PCBP3: variants seen among roughly 807,000 people sequenced by gnomAD.
PCBP3 encodes the protein poly(rC) binding protein 3.
Under a neutral mutation model 52.7 loss-of-function variants are expected in PCBP3, and 25 were observed. The observed-to-expected ratio is 0.47, with a 90% CI of 0.35 to 0.66. PCBP3 has a LOEUF of 0.66. PCBP3 is among the 30% of genes least tolerant of loss of function. The pLI is 0.01. For synonymous variants in PCBP3, 162 were observed against 183.0 expected (o/e 0.89, Z 0.93); for missense variants, 391 against 490.3 (o/e 0.80, Z 1.91).
chr21:45,914,900 G>A (rs1274935210), intron 12 of PCBP3: 1 of 152,282 alleles, frequency 6.6e-6, no homozygotes, highest in Non-Finnish European at 1.5e-5. Context: ...CCTGAGGTTT[G>A]ACTTTACCAT....
chr21:45,757,392 G>T (rs1298802438), intron 4 of PCBP3, among the ~76,000 whole-genome samples: 2 of 152,136 alleles, frequency 1.3e-5, no homozygotes, highest in African/African-American at 4.8e-5. Context: ...TTGTTGAGTT[G>T]TAGGTTTTTT....
At position 45,736,575 on chromosome 21, in the gene PCBP3, A is replaced by G. The variant is rs2085884666; in HGVS notation, c.-162+1146A>G. Among the ~76,000 whole-genome samples the G allele has an allele frequency of 6.6e-6, 1 of 151,826 alleles. No individual in the cohort carries two copies. The highest frequency in any genetic ancestry group is 1.5e-5 in the Non-Finnish European group (1 of 67,938). On this transcript the variant is annotated intron_variant, in intron 3 of 17. Coordinates refer to ENST00000681687, the MANE Select transcript of PCBP3 (RefSeq NM_001384156.1). This position sits in a 1 kb window ranked among gnomAD's most constrained non-coding sequence, Gnocchi z 4.6. The stretch of plus-strand genomic sequence containing the variant: ...TTGGCAGGGGGAGGCCCTCGGAGAG[A>G]TGGCATGGGGAGTTGGCAGGGGGAG...
At chr21:45,886,060 C>T (rs971139931) in intron 5 of PCBP3, among the ~76,000 whole-genome samples, 2 of 152,056 alleles carry the variant, frequency 1.3e-5, no homozygotes, top group Non-Finnish European at 2.9e-5. Context: ...GCTTTCCACT[C>T]GGCCTCTGCT....
intron 5 of PCBP3, among the ~76,000 whole-genome samples, chr21:45,875,472 T>C (rs1266289503): frequency 6.6e-6 from 1 of 152,126 alleles, no homozygotes; most frequent in Non-Finnish European, 1.5e-5. Context: ...GTCAGAAAAC[T>C]CAAATTCGAT....
intron 5 of PCBP3, among the ~76,000 whole-genome samples, chr21:45,895,443 C>A (rs2149000607): frequency 6.6e-6 from 1 of 152,316 alleles, no homozygotes. Context: ...TCTGCAGAGC[C>A]CAGTACCTCG....
Position 45,941,744 on chromosome 21 carries a change from C to G in PCBP3, c.*38C>G, listed in dbSNP as rs374903617. On this transcript the variant is annotated 3_prime_UTR_variant, in exon 18 of 18. Coordinates refer to ENST00000681687, the MANE Select transcript of PCBP3 (RefSeq NM_001384156.1). ...CCCTTCCCCCGCGTCACCCACCTGCCAGAGCCTAAGGCCCCCGGCTCTCGC... is the reference window on the plus strand; with the variant it reads ...CCCTTCCCCCGCGTCACCCACCTGCGAGAGCCTAAGGCCCCCGGCTCTCGC... 20 of 1,580,908 alleles carry G rather than the reference C, an allele frequency of 1.3e-5. No homozygotes were observed. Among genetic ancestry groups the G allele is most frequent in the Non-Finnish European group, 1.7e-5 (20 of 1,159,396 alleles).
chr21:45,907,742 A>G (rs1010003022), intron 9 of PCBP3, among the ~76,000 whole-genome samples: 5 of 149,772 alleles, frequency 3.3e-5, no homozygotes, highest in African/African-American at 9.9e-5. Context: ...GGAGTTGCCT[A>G]TTCGCCTGGC....
chr21:45,884,476 T>C (rs1335485427), intron 5 of PCBP3, among the ~76,000 whole-genome samples: 4 of 152,200 alleles, frequency 2.6e-5, no homozygotes, highest in East Asian at 1.9e-4. Context: ...GTAGCACATG[T>C]ATATACACAT....
chr21:45,911,823 C>T (rs1338944347), intron 11 of PCBP3, among the ~76,000 whole-genome samples: 3 of 152,162 alleles, frequency 2.0e-5, no homozygotes, highest in Non-Finnish European at 4.4e-5. Flanking sequence ...AAAATGTTTG[C>T]GTAGTTGTTG....
intron 2 of PCBP3, among the ~76,000 whole-genome samples, chr21:45,716,281 A>T (rs116663520): frequency 1.3e-5 from 2 of 152,218 alleles, no homozygotes; most frequent in Non-Finnish European, 2.9e-5. Context: ...CCAGTTGACT[A>T]TAAATGTAAG....
intron 4 of PCBP3, among the ~76,000 whole-genome samples, chr21:45,796,873 A>G (rs1191278175): frequency 1.3e-5 from 2 of 152,370 alleles, no homozygotes; most frequent in East Asian, 3.8e-4. Flanking sequence ...GAATGGAAGC[A>G]TGATTTATAA....
At chr21:45,716,499 TC>T (rs1214056708) in intron 2 of PCBP3, among the ~76,000 whole-genome samples, 1 of 152,174 alleles carries the variant, frequency 6.6e-6, no homozygotes, top group Non-Finnish European at 1.5e-5. Context: ...GGGGACTCTC[TC>T]CTTGGTTTGG....
chr21:45,653,280 T>G (rs561735725), intron 1 of PCBP3, among the ~76,000 whole-genome samples: 1 of 152,320 alleles, frequency 6.6e-6, no homozygotes, highest in African/African-American at 2.4e-5. Context: ...ATCTGCTTTC[T>G]TACTAGTTTT....
chr21:45,711,236 G>A (rs956060104), intron 2 of PCBP3, among the ~76,000 whole-genome samples: 2 of 152,150 alleles, frequency 1.3e-5, no homozygotes, highest in Admixed American at 1.3e-4. Context: ...GGAGATATAT[G>A]TTTGTATACT....
At chr21:45,660,521 GTC>G (rs1397955019) in intron 1 of PCBP3, among the ~76,000 whole-genome samples, 2 of 152,070 alleles carry the variant, frequency 1.3e-5, no homozygotes, top group African/African-American at 4.8e-5. Flanking sequence ...TCTATGCAAT[GTC>G]TTTTTGAATT....
intron 15 of PCBP3, among the ~76,000 whole-genome samples, chr21:45,933,839 G>A (rs1318062313): frequency 2.0e-5 from 3 of 152,164 alleles, no homozygotes; most frequent in Non-Finnish European, 4.4e-5. Context: ...AAGACAAGAT[G>A]AGAGGTGGCA....
intron 2 of PCBP3, among the ~76,000 whole-genome samples, chr21:45,733,436 G>C (rs965492946): frequency 4.0e-5 from 6 of 150,956 alleles, no homozygotes; most frequent in Admixed American, 6.6e-5. Flanking sequence ...ACAGGCGCCC[G>C]CCATCATGCC....
intron 1 of PCBP3, among the ~76,000 whole-genome samples, chr21:45,649,236 T>C (rs535195765): frequency 2.3e-4 from 35 of 152,232 alleles, no homozygotes; most frequent in Admixed American, 1.7e-3. Context: ...CTATCTGATC[T>C]CTTGAGACTT....
chr21:45,822,613 G>A (rs2093173723), intron 4 of PCBP3, among the ~76,000 whole-genome samples: 1 of 151,748 alleles, frequency 6.6e-6, no homozygotes, highest in African/African-American at 2.4e-5. Context: ...CACAGGATAG[G>A]GCCAGGAGAG....
Sources: gnomAD v4.1 joint callset for allele counts (sites outside exome capture counted in the v4.1 genomes callset) on GRCh38, gnomAD v4.1.1 for gene constraint, Gnocchi (gnomAD v3.1) non-coding constraint, MANE v1.5 for transcripts, NCBI Gene and HGNC (gene_info 2026-07-23, HGNC 2026-07-21) for gene names.